The following FBN1 variants were observed in gnomAD, a reference collection of about 807,000 sequenced individuals.
FBN1 encodes the protein fibrillin-1.
Under a neutral mutation model 365.1 loss-of-function variants are expected in FBN1, and 29 were observed. That is an observed-to-expected ratio of 0.08 (90% CI 0.06 to 0.11). The LOEUF is 0.11. Ranked by LOEUF, FBN1 falls within the 10% of genes least tolerant of loss-of-function variation. The pLI, the probability that FBN1 is intolerant of heterozygous loss-of-function variation, is 1.00. For missense variants in FBN1, 2,476 were observed against 3,703.2 expected (o/e 0.67, Z 8.60); for synonymous variants, 1,210 against 1,270.5 (o/e 0.95, Z 1.01).
chr15:48,500,805 G>A (rs1400081463), intron 17 of FBN1, among the ~76,000 whole-genome samples: 1 of 152,168 alleles, frequency 6.6e-6, no homozygotes, highest in Non-Finnish European at 1.5e-5. Flanking sequence ...GCTGAACAAT[G>A]TGAATCAGCT....
chr15:48,462,764 T>C (rs2043288927), intron 42 of FBN1, among the ~76,000 whole-genome samples: 1 of 148,166 alleles, frequency 6.7e-6, no homozygotes, highest in Non-Finnish European at 1.5e-5. Flanking sequence ...GTCACATTGA[T>C]TTGTCTAATG....
chr15:48,445,445 T>C lies in FBN1; in HGVS notation c.5848A>G (p.Thr1950Ala). Residue 1950 changes from threonine to alanine, a missense_variant, in exon 48 of 66, where the codon ACA becomes GCA. By Grantham distance (58) the Thr-to-Ala change is moderately conservative (BLOSUM62 0). Around this residue, in one of 5 missense-constraint regions of FBN1, gnomAD observed 1,780 missense variants for 2,840.8 expected, o/e 0.63. Coordinates refer to ENST00000316623, the MANE Select transcript of FBN1 (RefSeq NM_000138.5). ...CACTGGCACTGGAAAGACCCCACTG[T>C]ATTAATGCATTGGCCATTTCTGCAA... ...NLCRNGQCIN[T>A]VGSFQCQCNE... 2 of 1,612,504 alleles carry C rather than the reference T, an allele frequency of 1.2e-6. No homozygotes were observed. Among genetic ancestry groups the C allele is most frequent in the Non-Finnish European group, 1.7e-6 (2 of 1,178,844 alleles).
intron 46 of FBN1, 103 bp downstream of exon 46, chr15:48,448,665 C>CA: frequency 8.6e-7 from 1 of 1,164,324 alleles, no homozygotes; most frequent in Non-Finnish European, 1.2e-6. Context: ...TTGTATATAG[C>CA]AAAAATACTA....
chr15:48,637,661 C>G (rs973425543), intron 2 of FBN1, among the ~76,000 whole-genome samples: 1 of 152,206 alleles, frequency 6.6e-6, no homozygotes, highest in Admixed American at 6.5e-5. Context: ...CCCAGTTAAT[C>G]AGCTCATCAA....
intron 48 of FBN1, 95 bp downstream of exon 48, chr15:48,445,281 G>A: frequency 7.1e-7 from 1 of 1,402,196 alleles, no homozygotes. Flanking sequence ...TTTTCCTCCA[G>A]GTTTCCAGAA....
intron 5 of FBN1, among the ~76,000 whole-genome samples, chr15:48,599,260 T>C (rs1461712226): frequency 2.0e-5 from 3 of 152,098 alleles, no homozygotes; most frequent in Non-Finnish European, 4.4e-5. Context: ...ACGCCCACCA[T>C]TGAGGATTCA....
At chr15:48,608,394 C>T (rs1213137198) in intron 4 of FBN1, among the ~76,000 whole-genome samples, 1 of 152,126 alleles carries the variant, frequency 6.6e-6, no homozygotes, top group East Asian at 1.9e-4. Context: ...TAGAATTGTC[C>T]TTCTATTAGC....
intron 6 of FBN1, among the ~76,000 whole-genome samples, chr15:48,566,973 AC>A (rs956479929): frequency 6.6e-6 from 1 of 152,064 alleles, no homozygotes; most frequent in Non-Finnish European, 1.5e-5. Context: ...CATCACCATC[AC>A]CCGGGAGTTT....
intron 15 of FBN1, among the ~76,000 whole-genome samples, chr15:48,507,535 G>A (rs2043720601): frequency 6.6e-6 from 1 of 152,184 alleles, no homozygotes; most frequent in Admixed American, 6.5e-5. Flanking sequence ...GAAGGTCATA[G>A]AGAATGTAGG....
At chr15:48,442,400 C>T (rs1197535075) in intron 49 of FBN1, among the ~76,000 whole-genome samples, 1 of 152,174 alleles carries the variant, frequency 6.6e-6, no homozygotes, top group East Asian at 1.9e-4. Context: ...CTATGAAGTG[C>T]AAACTAACGA....
At chr15:48,493,738 T>C (rs936469360) in intron 23 of FBN1, among the ~76,000 whole-genome samples, 2 of 152,210 alleles carry the variant, frequency 1.3e-5, no homozygotes, top group African/African-American at 4.8e-5. Context: ...GACCTATGTC[T>C]ATCTGAAACT....
intron 58 of FBN1, among the ~76,000 whole-genome samples, chr15:48,426,707 G>A (rs1016338108): frequency 6.6e-6 from 1 of 152,118 alleles, no homozygotes; most frequent in African/African-American, 2.4e-5. Context: ...CTACTCTGAA[G>A]TGCAATTTAG....
intron 6 of FBN1, among the ~76,000 whole-genome samples, chr15:48,573,468 G>A (rs952779456): frequency 6.6e-6 from 1 of 151,860 alleles, no homozygotes; most frequent in Non-Finnish European, 1.5e-5. Flanking sequence ...AAATAAAAAA[G>A]GACAATGGCT....
At position 48,472,627 on chromosome 15, in the gene FBN1, G is replaced by A; in HGVS notation, c.4260C>T (p.Cys1420=). 6.2e-7 allele frequency: 1 copy of A among 1,614,138 alleles called. No homozygotes were observed. The highest frequency in any genetic ancestry group is 8.5e-7 in the Non-Finnish European group (1 of 1,180,002). The part of the protein sequence containing the change: ...ENLNLCGNGQ[C]LNAPGGYRCE... ...AGCGGTATCCTCCTGGTGCATTGAG[G>A]CACTGGCCATTGCCACAGAGATTCA... The change falls in exon 35 of 66, where the codon TGC becomes TGT. Residue 1420 remains cysteine, a synonymous_variant. Coordinates refer to ENST00000316623, the MANE Select transcript of FBN1 (RefSeq NM_000138.5).
chr15:48,489,704 T>C (rs2043539177), intron 25 of FBN1, 147 bp downstream of exon 25: 1 of 728,118 alleles, frequency 1.4e-6, no homozygotes, highest in Non-Finnish European at 2.3e-6. Flanking sequence ...AACAAAAAGT[T>C]CATACTTTTC....
At chr15:48,588,388 T>G (rs2044452151) in intron 6 of FBN1, among the ~76,000 whole-genome samples, 1 of 152,228 alleles carries the variant, frequency 6.6e-6, no homozygotes, top group South Asian at 2.1e-4. Context: ...TATTGTTCAG[T>G]ACTGTTCTAC....
chr15:48,426,799 G>A (rs1015918877), intron 58 of FBN1, among the ~76,000 whole-genome samples: 11 of 151,958 alleles, frequency 7.2e-5, no homozygotes, highest in Admixed American at 5.9e-4. Context: ...ATTGCTTTTG[G>A]TCACTCCATC....
chr15:48,459,938 G>C (rs1314764638), intron 43 of FBN1, among the ~76,000 whole-genome samples: 1 of 152,216 alleles, frequency 6.6e-6, no homozygotes, highest in Non-Finnish European at 1.5e-5. Context: ...TAAATCAAAT[G>C]TCAACTGGCC....
At chr15:48,588,615 A>T (rs1291223089) in intron 6 of FBN1, among the ~76,000 whole-genome samples, 1 of 152,256 alleles carries the variant, frequency 6.6e-6, no homozygotes, top group African/African-American at 2.4e-5. Context: ...CAAAATTTCA[A>T]TTGAACCACC....
Sources: allele counts gnomAD v4.1 joint callset (sites outside exome capture counted in the v4.1 genomes callset), GRCh38; gene constraint gnomAD v4.1.1; regional missense constraint gnomAD v4.1.1; transcripts MANE v1.5; gene names NCBI Gene and HGNC (gene_info 2026-07-23, HGNC 2026-07-21).